ADGRB1: variants seen among roughly 807,000 people sequenced by gnomAD.
ADGRB1 encodes the protein adhesion G protein-coupled receptor B1, also known as brain-specific angiogenesis inhibitor 1.
ADGRB1 carries 36 observed loss-of-function variants against 175.7 expected under a neutral mutation model. That is an observed-to-expected ratio of 0.20 (90% CI 0.16 to 0.27). ADGRB1 has a LOEUF of 0.27. ADGRB1 is among the 10% of genes least tolerant of loss of function. ADGRB1 has a pLI of 1.00. For missense variants in ADGRB1, 1,731 were observed against 2,255.3 expected (o/e 0.77, Z 4.71); for synonymous variants, 1,054 against 979.4 (o/e 1.08, Z -1.42).
rs755580827 is a variant in ADGRB1, at chr8:142,477,167, G to A, written c.1111G>A (p.Gly371Ser). The A allele has an allele frequency of 1.3e-6, 2 of 1,594,486 alleles. No homozygotes were observed. The highest frequency in any genetic ancestry group is 1.7e-5 in the Admixed American group (1 of 59,644). The change falls in exon 5 of 31, where the codon GGC (glycine) becomes AGC (serine). Residue 371 changes from glycine (G) to serine (S), a missense_variant. By Grantham distance (56) the Gly-to-Ser change is moderately conservative. Around this residue, in one of 8 missense-constraint regions of ADGRB1, gnomAD observed 178 missense variants for 227.8 expected, o/e 0.78. Coordinates refer to ENST00000517894, the MANE Select transcript of ADGRB1 (RefSeq NM_001702.3). The stretch of plus-strand genomic sequence containing the variant: ...GTGGAGCGTGTGCTCCAGCACCTGC[G>A]GCGAGGGCTGGCAGACCCGCACGCG... ...SPWSVCSSTC[G>S]EGWQTRTRFC...
chr8:142,481,989 T>TGATC (rs1841363313), intron 11 of ADGRB1, among the ~76,000 whole-genome samples: 1 of 75,764 alleles, frequency 1.3e-5, no homozygotes, highest in Non-Finnish European at 2.9e-5. Flanking sequence ...CACACTGAGC[T>TGATC]CTGGTCACAC....
rs1454288989 is a variant in ADGRB1, at chr8:142,463,976, C to T, written c.-219-4C>T. 1 of 368,404 alleles carries T rather than the reference C, an allele frequency of 2.7e-6. No individual in the cohort carries two copies. Among genetic ancestry groups the T allele is most frequent in the African/African-American group, 2.1e-5 (1 of 47,180 alleles). The allele number at this position is 368,404 out of a possible 1,614,324, so 22.8% of individuals were successfully genotyped here. On this transcript the variant is annotated splice_polypyrimidine_tract_variant and splice_region_variant and intron_variant, in intron 1 of 30. Transcript: ENST00000517894. ...ACTCTGACCCTCTGCTCTTTCTCTT[C>T]CAGCTGCTGCTGGTGGCCACAGGCT... is the stretch of plus-strand genomic sequence containing the variant.
chr8:142,464,245 C>T lies in ADGRB1; in HGVS notation c.47C>T (p.Pro16Leu). The part of the protein sequence containing the change: ...AAPGPVWILA[P>L]LLLLLLLLGR... ...CCGGGCCCCGTCTGGATCCTCGCCC[C>T]GCTGCTACTGCTGCTGCTGCTGCTG... The change falls in exon 2 of 31, where the codon CCG becomes CTG. Residue 16 changes from proline to leucine, a missense_variant. Physicochemically the swap from Pro to Leu is moderately conservative, Grantham distance 98. Transcript: ENST00000517894. 1.5e-6 allele frequency: 2 copies of T among 1,340,426 alleles called. No individual in the cohort carries two copies. The highest frequency in any genetic ancestry group is 2.0e-5 in the South Asian group (1 of 50,604). The allele number at this position is 1,340,426 out of a possible 1,614,324, so 83.0% of individuals were successfully genotyped here. A position where few individuals can be genotyped will look rare whatever the true frequency, so the allele number is the denominator to read the frequency against.
At chr8:142,516,238 C>T (rs1367625267) in intron 18 of ADGRB1, among the ~76,000 whole-genome samples, 943 of 86,202 alleles carry the variant, frequency 0.011, 12 homozygotes, top group African/African-American at 0.04. Context: ...TGTGTGTGTG[C>T]GTGTGCGGGC....
intron 1 of ADGRB1, among the ~76,000 whole-genome samples, chr8:142,457,797 T>C (rs974907066): frequency 6.6e-6 from 1 of 152,194 alleles, no homozygotes; most frequent in African/African-American, 2.4e-5. Flanking sequence ...CCACTTCTTA[T>C]GGCTCTGAAC....
At chr8:142,500,268 GCGCCGCTCCTC>G (rs1842436063) in intron 17 of ADGRB1, among the ~76,000 whole-genome samples, 1 of 38,068 alleles carries the variant, frequency 2.6e-5, no homozygotes, top group East Asian at 1.0e-3. Context: ...ACCTCCCCAC[GCGCCGCTCCTC>G]CACCTCCCCA....
At chr8:142,521,415 C>T (rs1438842718) in intron 20 of ADGRB1, among the ~76,000 whole-genome samples, 1 of 152,352 alleles carries the variant, frequency 6.6e-6, no homozygotes, top group East Asian at 1.9e-4. Flanking sequence ...CCAGCCCCAT[C>T]CCACTAAATG....
At chr8:142,528,809 C>T (rs1232847294) in intron 24 of ADGRB1, among the ~76,000 whole-genome samples, 1 of 152,266 alleles carries the variant, frequency 6.6e-6, no homozygotes, top group Non-Finnish European at 1.5e-5. Flanking sequence ...CTCAGCTCCT[C>T]CTTCCATCCT....
chr8:142,465,401 G>A (rs548520079), intron 2 of ADGRB1, among the ~76,000 whole-genome samples: 3 of 152,206 alleles, frequency 2.0e-5, no homozygotes, highest in Non-Finnish European at 4.4e-5. Context: ...AGGCTGCAGC[G>A]GCCTGGGGCT....
At chr8:142,456,347 G>A (rs533913377) in intron 1 of ADGRB1, among the ~76,000 whole-genome samples, 3 of 152,160 alleles carry the variant, frequency 2.0e-5, no homozygotes, top group Non-Finnish European at 2.9e-5. Context: ...CTGCACACAC[G>A]CATGTGCACA....
At chr8:142,501,655 G>GGTGAC (rs1842554419) in intron 17 of ADGRB1, among the ~76,000 whole-genome samples, 1 of 74,608 alleles carries the variant, frequency 1.3e-5, no homozygotes, top group Non-Finnish European at 3.1e-5. Context: ...GGTGATGATG[G>GGTGAC]GGTGGTGGTA....
chr8:142,491,794 G>A (rs563443970), intron 17 of ADGRB1, among the ~76,000 whole-genome samples: 1 of 152,202 alleles, frequency 6.6e-6, no homozygotes, highest in Non-Finnish European at 1.5e-5. Flanking sequence ...CTGGGTGCCG[G>A]TGGCACTTGT....
intron 2 of ADGRB1, among the ~76,000 whole-genome samples, chr8:142,470,620 G>C (rs972102873): frequency 6.6e-6 from 1 of 152,144 alleles, no homozygotes; most frequent in African/African-American, 2.4e-5. Flanking sequence ...GTGTGTCCCT[G>C]TGTGCGTCCT....
In ADGRB1 at chr8:142,479,349, T is replaced by A; in HGVS notation, c.1588T>A (p.Ser530Thr). 1.3e-6 allele frequency: 2 copies of A among 1,527,314 alleles called. No homozygotes were observed. The highest frequency in any genetic ancestry group is 1.8e-6 in the Non-Finnish European group (2 of 1,140,802). The allele number at this position is 1,527,314 out of a possible 1,614,324, so 94.6% of individuals were successfully genotyped here. ...PVDGKWQAWASWGSCSVTCGA... is the reference protein window; with the variant it reads ...PVDGKWQAWATWGSCSVTCGA... ...GGATGGCAAGTGGCAGGCCTGGGCG[T>A]CATGGGGCAGTTGCAGCGTCACGTG... The change falls in exon 8 of 31, where the codon TCA (serine) becomes ACA (threonine). Residue 530 changes from serine (S) to threonine (T), a missense_variant. Physicochemically the swap from Ser to Thr is moderately conservative, Grantham distance 58 (BLOSUM62 1). Around this residue, in one of 8 missense-constraint regions of ADGRB1, gnomAD observed 388 missense variants for 630.9 expected, o/e 0.61. Coordinates refer to ENST00000517894, the MANE Select transcript of ADGRB1 (RefSeq NM_001702.3).
rs1273018852 is a variant in ADGRB1 at position 142,464,846 on chromosome 8, G to A, written c.648G>A (p.Leu216=). Residue 216 remains leucine, a synonymous_variant, in exon 2 of 31, where the codon CTG becomes CTA. Transcript: ENST00000517894. ...CGIMQTPCAC[L]GGEAGGPAAG... ...TCATGCAGACCCCCTGCGCCTGCCTGGGCGGCGAGGCGGGCGGCCCTGCCG... is the reference window on the plus strand; with the variant it reads ...TCATGCAGACCCCCTGCGCCTGCCTAGGCGGCGAGGCGGGCGGCCCTGCCG... 41 of 1,524,206 alleles carry A rather than the reference G, an allele frequency of 2.7e-5. No individual in the cohort carries two copies. Among genetic ancestry groups the A allele is most frequent in the Non-Finnish European group, 3.5e-5 (40 of 1,141,400 alleles). 94.4% of individuals were successfully genotyped at this position (1,524,206 alleles called of 1,614,324 possible). A position where few individuals can be genotyped will look rare whatever the true frequency, so the allele number is the denominator to read the frequency against.
chr8:142,530,839 G>A (rs573204546), intron 24 of ADGRB1, among the ~76,000 whole-genome samples: 156 of 152,306 alleles, frequency 1.0e-3, no homozygotes, highest in African/African-American at 3.7e-3. Context: ...CTCCAGACAG[G>A]AGCAGGCGCG....
At chr8:142,495,893 G>A (rs1842188067) in intron 17 of ADGRB1, among the ~76,000 whole-genome samples, 1 of 150,286 alleles carries the variant, frequency 6.7e-6, no homozygotes, top group African/African-American at 2.5e-5. Context: ...ATGAGTAGAT[G>A]GGTGGGTGGA....
intron 19 of ADGRB1, among the ~76,000 whole-genome samples, chr8:142,519,509 G>A (rs114997687): frequency 0.03 from 4,510 of 152,138 alleles, 193 homozygotes; most frequent in African/African-American, 0.094. Context: ...TGTTTGTGGT[G>A]ATGATGGTGG....
intron 2 of ADGRB1, among the ~76,000 whole-genome samples, chr8:142,467,388 G>A (rs1487511340): frequency 6.6e-6 from 1 of 152,220 alleles, no homozygotes; most frequent in Non-Finnish European, 1.5e-5. Flanking sequence ...AGCAGTGGGA[G>A]GGAAGAGGAG....
Sources: gnomAD v4.1 joint callset for allele counts (sites outside exome capture counted in the v4.1 genomes callset) on GRCh38, gnomAD v4.1.1 for gene constraint, gnomAD v4.1.1 regional missense constraint, MANE v1.5 for transcripts, NCBI Gene and HGNC (gene_info 2026-07-23, HGNC 2026-07-21) for gene names.